The following DALRD3 variants were observed in gnomAD, a reference collection of about 807,000 sequenced individuals.
DALRD3 encodes DALR anticodon-binding domain-containing protein 3.
Under a neutral mutation model 56.7 loss-of-function variants are expected in DALRD3, and 47 were observed. The ratio of observed to expected loss-of-function variants is 0.83; its 90% CI spans 0.66 to 1.06. The LOEUF (loss-of-function observed/expected upper bound fraction) is 1.06, where lower values mean the gene tolerates loss of function less well. DALRD3 is among the 50% of genes least tolerant of loss of function. DALRD3 has a pLI of 0.00. For missense variants in DALRD3, 787 were observed against 724.0 expected, an observed-to-expected ratio of 1.09 and a Z score of -1.00; for synonymous variants, 347 against 308.5, an observed-to-expected ratio of 1.12 and a Z score of -1.31.
At chr3:49,020,874 T>TG (rs1237904900), upstream of DALRD3, 5 of 289,904 alleles carry the variant, frequency 1.7e-5, no homozygotes, top group East Asian at 4.7e-4. Flanking sequence ...GAAGGGGAGG[T>TG]GGGGGCCTCC....
upstream of DALRD3, chr3:49,018,662 C>T: frequency 7.0e-7 from 1 of 1,436,424 alleles, no homozygotes; most frequent in Non-Finnish European, 9.1e-7. Context: ...GCGGTGGTCC[C>T]CGTAAGTGGA....
chr3:49,016,937 CCA>C (rs2093086949), intron 5 of DALRD3, 90 bp from the exon 6 acceptor site: 1 of 1,461,392 alleles, frequency 6.8e-7, no homozygotes, highest in Admixed American at 1.7e-5. Flanking sequence ...TCTACTCAGC[CCA>C]GACTCCCTCA....
rs2093095613 is a variant in DALRD3, at chr3:49,017,237, T to C, written c.918A>G (p.Pro306=). The change falls in exon 5 of 12, where the codon CCA becomes CCG. Residue 306 remains proline, a synonymous_variant. Transcript: ENST00000341949. Reference sequence around the variant, plus strand: ...ATCATTATTAACCTACCTGTCTGAGTGGAGCCTTGTCAACCAACTTCTGCC... The same window carrying C: ...ATCATTATTAACCTACCTGTCTGAGCGGAGCCTTGTCAACCAACTTCTGCC... ...LLWQKLVDKA[P]LRQKHLICGP... is the part of the protein sequence containing the mutation. 1 of 1,614,008 alleles carries C rather than the reference T, an allele frequency of 6.2e-7. No individual in the cohort carries two copies. The highest frequency in any genetic ancestry group is 1.3e-5 in the African/African-American group (1 of 74,898).
At chr3:49,018,738 G>T (rs2093125076), upstream of DALRD3, 1 of 985,328 alleles carries the variant, frequency 1.0e-6, no homozygotes, top group Admixed American at 6.1e-5. Context: ...CCTTCCGCGT[G>T]GTCCACCTGC....
At position 49,017,723 on chromosome 3, in the gene DALRD3, T is replaced by G; in HGVS notation, c.608A>C (p.Asn203Thr). ...GCCAGGGGACAGTGTCCTCCCGTCA[T>G]TAGCAGAGGTAAGTTCTTCAAGGGC... is the stretch of plus-strand genomic sequence containing the variant. The part of the protein sequence containing the change: ...SHALEELTSA[N>T]DGRTLSPGIL... The change falls in exon 3 of 12, where the codon AAT (asparagine) becomes ACT (threonine). Residue 203 changes from asparagine (N) to threonine (T), a missense_variant. Physicochemically the swap from Asn to Thr is moderately conservative, Grantham distance 65 (BLOSUM62 0). Coordinates refer to ENST00000341949, the MANE Select transcript of DALRD3 (RefSeq NM_001009996.3). 1 of 1,614,122 alleles carries G rather than the reference T, an allele frequency of 6.2e-7. No individual in the cohort carries two copies. The highest frequency in any genetic ancestry group is 8.5e-7 in the Non-Finnish European group (1 of 1,180,030).
At chr3:49,018,729 C>G (rs779153045), upstream of DALRD3, 2 of 985,460 alleles carry the variant, frequency 2.0e-6, no homozygotes, top group Non-Finnish European at 2.4e-6. Flanking sequence ...CCCAGCGCCC[C>G]TTCCGCGTGG....
Position 49,016,257 on chromosome 3 carries a change from A to G in DALRD3, c.1230T>C (p.Leu410=). The change falls in exon 9 of 12, where the codon CTT becomes CTC. Residue 410 remains leucine (L), a synonymous_variant. Transcript: ENST00000341949. ...GTFVMYNCAR[L]ATLFESYKCS... is the part of the protein sequence containing the mutation. ...ACTTGTAACTCTCAAAGAGTGTGGCAAGACGGGCACAATTATACATGACAA... is the reference window on the plus strand; with the variant it reads ...ACTTGTAACTCTCAAAGAGTGTGGCGAGACGGGCACAATTATACATGACAA... 6.2e-7 allele frequency: 1 copy of G among 1,614,126 alleles called. No individual in the cohort carries two copies. The highest frequency in any genetic ancestry group is 1.1e-5 in the South Asian group (1 of 91,082).
rs1410768957 is a variant in DALRD3, at chr3:49,017,664, C to T, written c.667G>A (p.Glu223Lys). ...LGRLCLKELV[E>K]EQGRTAGYDP... The stretch of plus-strand genomic sequence containing the variant: ...TAGCCAGCTGTGCGGCCCTGTTCTT[C>T]CACCAGCTCCTTCAGACACAGTCTG... The change falls in exon 3 of 12, where the codon GAA becomes AAA. Residue 223 changes from glutamate (E) to lysine (K), a missense_variant. Coordinates refer to ENST00000341949, the MANE Select transcript of DALRD3 (RefSeq NM_001009996.3). 6.2e-7 allele frequency: 1 copy of T among 1,614,204 alleles called. No homozygotes were observed. Among genetic ancestry groups the T allele is most frequent in the Admixed American group, 1.7e-5 (1 of 60,034 alleles).
intron 6 of DALRD3, 46 bp downstream of exon 6, chr3:49,016,728 C>G (rs971529201): frequency 1.2e-6 from 2 of 1,613,412 alleles, no homozygotes; most frequent in South Asian, 2.2e-5. Context: ...AAGAGTCCCC[C>G]CTCATTACCC....
In DALRD3 at chr3:49,015,806, C is replaced by G; in HGVS notation, c.1510G>C (p.Gly504Arg). 2 of 1,614,172 alleles carry G rather than the reference C, an allele frequency of 1.2e-6. No individual in the cohort carries two copies. Among genetic ancestry groups the G allele is most frequent in the African/African-American group, 1.3e-5 (1 of 75,032 alleles). Residue 504 changes from glycine (G) to arginine (R), a missense_variant and splice_region_variant, in exon 11 of 12, where the codon GGG becomes CGG. Physicochemically the swap from Gly to Arg is moderately radical, Grantham distance 125 (BLOSUM62 -2). Transcript: ENST00000341949. ...ACCCCATTTTGCTGTGTGCTCACCC[C>G]CAGGATGTGTACCCGGTTGTAGTAG... is the stretch of plus-strand genomic sequence containing the variant. ...SSYYNRVHIL[G>R]EPRPHLFGQM... is the part of the protein sequence containing the mutation.
rs1439831783 is a variant in DALRD3, at chr3:49,016,458, C to T, written c.1117G>A (p.Glu373Lys). The T allele has an allele frequency of 1.2e-6, 2 of 1,614,062 alleles. No homozygotes were observed. The highest frequency in any genetic ancestry group is 1.1e-5 in the South Asian group (1 of 91,064). The stretch of plus-strand genomic sequence containing the variant: ...CTCTGTGGGGCTGTGCTCAGCATCT[C>T]AAACTTGATGGTGGCCACAGAGAGA... ...GVLSVATIKFEMLSTAPQSQL... is the reference protein window; with the variant it reads ...GVLSVATIKFKMLSTAPQSQL... The change falls in exon 8 of 12, where the codon GAG (glutamate) becomes AAG (lysine). Residue 373 changes from glutamate to lysine, a missense_variant. By Grantham distance (56) the Glu-to-Lys change is moderately conservative (BLOSUM62 1). Transcript: ENST00000341949.
upstream of DALRD3, among the ~76,000 whole-genome samples, chr3:49,019,725 T>A (rs998675607): frequency 3.3e-5 from 5 of 152,190 alleles, no homozygotes; most frequent in Admixed American, 2.0e-4. Flanking sequence ...TCCGCCTGCC[T>A]CGGCCTCCCA....
At chr3:49,018,658 G>A, upstream of DALRD3, 2 of 1,438,640 alleles carry the variant, frequency 1.4e-6, no homozygotes, top group Non-Finnish European at 1.8e-6. Flanking sequence ...TGCGGCGGTG[G>A]TCCCCGTAAG....
At position 49,018,525 on chromosome 3, in the gene DALRD3, C is replaced by G. The variant is rs776886347; in HGVS notation, c.40G>C (p.Ala14Pro). ...RRLGVGETLG[A>P]LNAALGPGGP... is the part of the protein sequence containing the mutation. ...CCTGGCCCCAGGGCCGCGTTGAGGG[C>G]CCCCAGCGTCTCCCCGACCCCAAGG... Residue 14 changes from alanine (A) to proline (P), a missense_variant, in exon 1 of 12, where the codon GCC becomes CCC. Transcript: ENST00000341949. The G allele has an allele frequency of 2.8e-5, 45 of 1,583,096 alleles. No individual in the cohort carries two copies. Among genetic ancestry groups the G allele is most frequent in the Non-Finnish European group, 3.8e-5 (44 of 1,164,644 alleles).
chr3:49,017,277 T>C lies in DALRD3; in HGVS notation c.878A>G (p.Lys293Arg). ...VSCEEEFQQQ[K>R]LDLLWQKLVD... ...CAACTTCTGCCAAAGCAGGTCCAAC[T>C]TCTGTTGCTGGAACTCCTCCTCACA... is the stretch of plus-strand genomic sequence containing the variant. The change falls in exon 5 of 12, where the codon AAG becomes AGG. Residue 293 changes from lysine (K) to arginine (R), a missense_variant. Lys to Arg is a conservative substitution (Grantham distance 26, BLOSUM62 2). Coordinates refer to ENST00000341949, the MANE Select transcript of DALRD3 (RefSeq NM_001009996.3). 6.2e-7 allele frequency: 1 copy of C among 1,614,158 alleles called. No homozygotes were observed. The highest frequency in any genetic ancestry group is 8.5e-7 in the Non-Finnish European group (1 of 1,180,016).
chr3:49,018,094 G>A lies in DALRD3; in HGVS notation c.390C>T (p.Cys130=). 6.7e-7 allele frequency: 1 copy of A among 1,487,212 alleles called. No individual in the cohort carries two copies. Among genetic ancestry groups the A allele is most frequent in the East Asian group, 2.3e-5 (1 of 43,094 alleles). The allele number at this position is 1,487,212 out of a possible 1,614,324, so 92.1% of individuals were successfully genotyped here. Residue 130 remains cysteine (C), a synonymous_variant, in exon 2 of 12, where the codon TGC becomes TGT. Coordinates refer to ENST00000341949, the MANE Select transcript of DALRD3 (RefSeq NM_001009996.3). Reference sequence around the variant, plus strand: ...TACGCAGCTGGCTCAAGCGGAGTGCGCAGGGGGAGCTGCGCAGTGCTGGGC... The same window carrying A: ...TACGCAGCTGGCTCAAGCGGAGTGCACAGGGGGAGCTGCGCAGTGCTGGGC... ...LHCPALRSSP[C]ALRLSQLRTV... is the part of the protein sequence containing the mutation.
chr3:49,018,140 C>G lies in DALRD3; in HGVS notation c.344G>C (p.Gly115Ala). The G allele has an allele frequency of 6.8e-7, 1 of 1,463,520 alleles. No homozygotes were observed. Among genetic ancestry groups the G allele is most frequent in the Non-Finnish European group, 8.9e-7 (1 of 1,118,866 alleles). The allele number at this position is 1,463,520 out of a possible 1,614,324, so 90.7% of individuals were successfully genotyped here. ...YATPASPASL[G>A]QRVLLHCPAL... ...TGGGCAGTGTAGTAAGACGCGCTGG[C>G]CCAGCGAGGCAGGCGAGGCGGGCGT... Residue 115 changes from glycine to alanine, a missense_variant, in exon 2 of 12, where the codon GGC becomes GCC. Gly to Ala is a moderately conservative substitution (Grantham distance 60, BLOSUM62 0). Coordinates refer to ENST00000341949, the MANE Select transcript of DALRD3 (RefSeq NM_001009996.3).
At chr3:49,019,710 G>A (rs1256536605), upstream of DALRD3, among the ~76,000 whole-genome samples, 1 of 151,270 alleles carries the variant, frequency 6.6e-6, no homozygotes, top group African/African-American at 2.4e-5. Context: ...CCCGACCTCA[G>A]GTGATCCGCC....
Position 49,018,444 on chromosome 3 carries a change from GA to G in DALRD3, c.120del (p.Leu41TrpfsTer94). 6.3e-7 allele frequency: 1 copy of G among 1,588,534 alleles called. No homozygotes were observed. Among genetic ancestry groups the G allele is most frequent in the Non-Finnish European group, 8.6e-7 (1 of 1,168,102 alleles). On this transcript the variant is annotated frameshift_variant, in exon 1 of 12. Coordinates refer to ENST00000341949, the MANE Select transcript of DALRD3 (RefSeq NM_001009996.3). LOFTEE classifies it high-confidence loss of function. ...TRTRHLRSRD[F>X]LAPHRALQAR... ...GCCTGCAGCGCGCGGTGCGGTGCCA[GA>G]AAGTCTCGGGAACGCAGGTGGCGGG...
Sources: gnomAD v4.1 joint callset for allele counts (sites outside exome capture counted in the v4.1 genomes callset) on GRCh38, gnomAD v4.1.1 for gene constraint, MANE v1.5 for transcripts, NCBI Gene and HGNC (gene_info 2026-07-23, HGNC 2026-07-21) for gene names.